MYO16: variants seen among roughly 807,000 people sequenced by gnomAD.
The protein encoded by MYO16 is unconventional myosin-XVI.
In MYO16, 94 loss-of-function variants were observed where a neutral mutation model predicts 205.3. The ratio of observed to expected loss-of-function variants is 0.46; its 90% confidence interval spans 0.39 to 0.54. MYO16 has a LOEUF of 0.54. MYO16 is among the 20% of genes least tolerant of loss of function. The pLI is 0.00. For missense variants in MYO16, 2,315 were observed against 2,387.5 expected (o/e 0.97, Z 0.63); for synonymous variants, 988 against 954.0 (o/e 1.04, Z -0.66).
chr13:108,750,383 C>T (rs186011185), intron 4 of MYO16, among the ~76,000 whole-genome samples: 25 of 152,070 alleles, frequency 1.6e-4, no homozygotes, highest in East Asian at 3.9e-4. Context: ...AGTAAGGTGC[C>T]GATAATGAGA....
chr13:108,522,384 G>C, the MYO16 span, among the ~76,000 whole-genome samples: 3 of 152,072 alleles, frequency 2.0e-5, no homozygotes, highest in African/African-American at 4.8e-5. Flanking sequence ...ATTTACAATT[G>C]TATTTCAGCG....
chr13:108,809,399 C>T (rs1408676152), intron 7 of MYO16, among the ~76,000 whole-genome samples: 2 of 152,118 alleles, frequency 1.3e-5, no homozygotes, highest in African/African-American at 4.8e-5. Context: ...ATAAAGAAAG[C>T]AGGTTTAATT....
intron 27 of MYO16, among the ~76,000 whole-genome samples, chr13:109,090,992 G>A (rs1888603479): frequency 6.6e-6 from 1 of 152,100 alleles, no homozygotes; most frequent in African/African-American, 2.4e-5. Flanking sequence ...TTGCTAGGCA[G>A]CTGTTATGTT....
At chr13:108,503,135 T>G in the MYO16 span, among the ~76,000 whole-genome samples, 8 of 152,128 alleles carry the variant, frequency 5.3e-5, no homozygotes, top group African/African-American at 1.9e-4. Flanking sequence ...CCCTAATATA[T>G]AATATAAAAC....
intron 1 of MYO16, among the ~76,000 whole-genome samples, chr13:108,609,214 A>G (rs761328053): frequency 1.4e-4 from 21 of 152,088 alleles, no homozygotes; most frequent in Admixed American, 7.2e-4. Flanking sequence ...TTTCTCCTTG[A>G]TCTGCCCAGC....
chr13:109,102,261 C>A (rs1181060563), intron 28 of MYO16, among the ~76,000 whole-genome samples: 4 of 152,004 alleles, frequency 2.6e-5, no homozygotes, highest in Admixed American at 2.6e-4. Flanking sequence ...GTCTGCCAAC[C>A]CCTCCAGAGT....
At chr13:108,905,490 CA>C (rs1228588689) in intron 15 of MYO16, among the ~76,000 whole-genome samples, 1 of 152,086 alleles carries the variant, frequency 6.6e-6, no homozygotes, top group Non-Finnish European at 1.5e-5. Context: ...AGCCATGTCC[CA>C]AATCTCACTT....
chr13:109,048,269 C>A (rs995494303), intron 24 of MYO16: 19 of 634,824 alleles, frequency 3.0e-5, no homozygotes, highest in Middle Eastern at 3.1e-4. Context: ...TAAAATCATT[C>A]TTTTATGTAA....
chr13:108,924,332 CTTTTCTGAGTCA>C (rs1881883169), intron 16 of MYO16, among the ~76,000 whole-genome samples: 1 of 152,208 alleles, frequency 6.6e-6, no homozygotes, highest in Admixed American at 6.5e-5. Context: ...TGAGCTCCTG[CTTTTCTGAGTCA>C]CGGGAAAGTC....
intron 27 of MYO16, among the ~76,000 whole-genome samples, chr13:109,075,091 A>G (rs1888048709): frequency 6.6e-6 from 1 of 152,100 alleles, no homozygotes; most frequent in South Asian, 2.1e-4. Context: ...TTACACACCC[A>G]TTGATAGATA....
At chr13:108,795,587 G>A (rs1203114581) in intron 6 of MYO16, among the ~76,000 whole-genome samples, 2 of 152,128 alleles carry the variant, frequency 1.3e-5, no homozygotes, top group Non-Finnish European at 2.9e-5. Context: ...AACTTTAGAA[G>A]ACTATAACAA....
intron 34 of MYO16, among the ~76,000 whole-genome samples, chr13:109,186,260 T>C (rs1024982647): frequency 4.6e-5 from 7 of 152,144 alleles, no homozygotes; most frequent in African/African-American, 1.4e-4. Flanking sequence ...ATTATACTCA[T>C]ATTCCTTCAA....
intron 2 of MYO16, among the ~76,000 whole-genome samples, chr13:108,671,514 G>A (rs1201562002): frequency 6.6e-6 from 1 of 152,108 alleles, no homozygotes; most frequent in Non-Finnish European, 1.5e-5. Context: ...CTATAGTGAA[G>A]GTCATCTTCA....
At chr13:108,544,614 A>C in the MYO16 span, among the ~76,000 whole-genome samples, 1 of 152,236 alleles carries the variant, frequency 6.6e-6, no homozygotes, top group Non-Finnish European at 1.5e-5. Context: ...TTCTATACCT[A>C]TATAAAGAGC....
At chr13:108,603,037 T>C (rs775498675) in intron 1 of MYO16, among the ~76,000 whole-genome samples, 1 of 152,200 alleles carries the variant, frequency 6.6e-6, no homozygotes, top group Non-Finnish European at 1.5e-5. Flanking sequence ...AAGTATGTAA[T>C]AAATGAGTAT....
chr13:108,973,525 A>G (rs1384552030), intron 20 of MYO16, among the ~76,000 whole-genome samples: 5 of 152,256 alleles, frequency 3.3e-5, no homozygotes, highest in Non-Finnish European at 7.4e-5. Context: ...TTTCCTAGAG[A>G]TCCAGATTTT....
chr13:108,639,696 A>G (rs553448977), intron 1 of MYO16, among the ~76,000 whole-genome samples: 1 of 152,364 alleles, frequency 6.6e-6, no homozygotes, highest in East Asian at 1.9e-4. Context: ...AAGATTGACT[A>G]TAGAGAACAA....
intron 11 of MYO16, among the ~76,000 whole-genome samples, chr13:108,857,554 G>A (rs1170865796): frequency 6.6e-6 from 1 of 152,172 alleles, no homozygotes; most frequent in African/African-American, 2.4e-5. Flanking sequence ...GTCCTTGTCA[G>A]GCTACAACTT....
At chr13:109,199,193 TA>T (rs1177117627) in intron 34 of MYO16, among the ~76,000 whole-genome samples, 782 of 2,038 alleles carry the variant, frequency 0.38, 46 homozygotes, top group African/African-American at 0.5. Flanking sequence ...ATAAAAAAGG[TA>T]TATATATATA....
Sources: allele counts gnomAD v4.1 joint callset (sites outside exome capture counted in the v4.1 genomes callset), GRCh38; gene constraint gnomAD v4.1.1; transcripts MANE v1.5; gene names NCBI Gene and HGNC (gene_info 2026-07-23, HGNC 2026-07-21).